Variants in COL5A1 observed in about 807,000 individuals in gnomAD.
COL5A1 encodes the protein collagen type V alpha 1 chain.
Under a neutral mutation model 263.7 loss-of-function variants are expected in COL5A1, and 16 were observed. The ratio of observed to expected loss-of-function variants is 0.06; its 90% CI spans 0.04 to 0.09. The LOEUF (loss-of-function observed/expected upper bound fraction) is 0.09. COL5A1 is among the 10% of genes least tolerant of loss of function. The pLI, the probability that COL5A1 is intolerant of heterozygous loss-of-function variation, is 1.00. For missense variants in COL5A1, 2,036 were observed against 2,540.5 expected (o/e 0.80, Z 4.27); for synonymous variants, 1,012 against 1,004.5 (o/e 1.01, Z -0.14).
intron 18 of COL5A1, among the ~76,000 whole-genome samples, chr9:134,759,295 C>A (rs1836126328): frequency 8.0e-6 from 1 of 125,042 alleles, no homozygotes; most frequent in East Asian, 2.5e-4. Context: ...CACACGCATA[C>A]ACACCCACAC....
chr9:134,675,866 A>T (rs776789894), intron 1 of COL5A1, among the ~76,000 whole-genome samples: 1 of 152,208 alleles, frequency 6.6e-6, no homozygotes, highest in Non-Finnish European at 1.5e-5. Context: ...AGAGTCTCCC[A>T]GTTTCTTAAA....
chr9:134,758,076 G>C lies in COL5A1; in HGVS notation c.1882-167G>C, dbSNP rs1485109532. Among the ~76,000 whole-genome samples, 1 of 152,216 alleles carries C rather than the reference G, an allele frequency of 6.6e-6. No individual in the cohort carries two copies. The highest frequency in any genetic ancestry group is 1.5e-5 in the Non-Finnish European group (1 of 68,044). On this transcript the variant is annotated intron_variant, in intron 17 of 65. Transcript: ENST00000371817. This position sits in a 1 kb window ranked among gnomAD's most constrained non-coding sequence, Gnocchi z 4.1. The stretch of plus-strand genomic sequence containing the variant: ...AGGGGAAGAGGCTGAGATTGTAGAT[G>C]CAAAGTGGGGGCCTATGGGGAGAGG...
In COL5A1 at chr9:134,700,590, G is replaced by A. The variant is rs968822705; in HGVS notation, c.491+468G>A. Among the ~76,000 whole-genome samples the A allele has an allele frequency of 3.9e-5, 6 of 152,212 alleles. No individual in the cohort carries two copies. Among genetic ancestry groups the A allele is most frequent in the Non-Finnish European group, 7.3e-5 (5 of 68,036 alleles). On this transcript the variant is annotated intron_variant, in intron 3 of 65. Transcript: ENST00000371817. This position sits in a 1 kb window ranked among gnomAD's most constrained non-coding sequence, Gnocchi z 4.0. ...TTGTCAGTCTCCTCTTTCGTGGTCA[G>A]CACGTGTGAGGTCATGCCCTGATAA... is the stretch of plus-strand genomic sequence containing the variant.
At chr9:134,732,232 CG>C (rs1834914123) in intron 9 of COL5A1, 105 bp downstream of exon 9, 1 of 1,193,978 alleles carries the variant, frequency 8.4e-7, no homozygotes, top group Non-Finnish European at 1.2e-6. Context: ...TGCACCTGCG[CG>C]CACTGGGTCA....
At position 134,813,874 on chromosome 9, in the gene COL5A1, G is replaced by T. The variant is rs1369616871; in HGVS notation, c.3853-109G>T. 6.5e-6 allele frequency: 8 copies of T among 1,222,016 alleles called. No individual in the cohort carries two copies. The Admixed American group carries it at 1.6e-4, about 24-fold the overall frequency. The allele number at this position is 1,222,016 out of a possible 1,614,324, so 75.7% of individuals were successfully genotyped here. ...CCCCAGAAACCCCTGGGTCCTGGGT[G>T]CCCAGGGGCAGGCAGACAGCAGGCA... On this transcript the variant is annotated intron_variant, in intron 48 of 65. Coordinates refer to ENST00000371817, the MANE Select transcript of COL5A1 (RefSeq NM_000093.5).
rs184118479 is a variant in COL5A1 at position 134,711,316 on chromosome 9, T to A, written c.654+9983T>A. ...TGACACCCCACTTGCAGGGCCTGGG[T>A]GCTGTCGTATAGACCGTGCGCCTGG... On this transcript the variant is annotated intron_variant, in intron 4 of 65. Transcript: ENST00000371817. Among the ~76,000 whole-genome samples, 4 of 152,116 alleles carry A rather than the reference T, an allele frequency of 2.6e-5. No homozygotes were observed. The East Asian group carries it at 7.7e-4, about 29-fold the overall frequency.
intron 18 of COL5A1, among the ~76,000 whole-genome samples, chr9:134,759,038 G>A (rs1261017450): frequency 6.6e-6 from 1 of 152,070 alleles, no homozygotes; most frequent in African/African-American, 2.4e-5. Context: ...CGTCCTGGCC[G>A]CCTGCCCTGC....
Position 134,758,134 on chromosome 9 carries a change from T to C in COL5A1, c.1882-109T>C. On this transcript the variant is annotated intron_variant, in intron 17 of 65. Coordinates refer to ENST00000371817, the MANE Select transcript of COL5A1 (RefSeq NM_000093.5). This position sits in a 1 kb window ranked among gnomAD's most constrained non-coding sequence, Gnocchi z 4.1. ...GATGGGGTTCAGGGTGCATAGATGC[T>C]GTGTGAAACGTGGTCCAAGGCGGGG... The C allele has an allele frequency of 9.3e-7, 1 of 1,077,800 alleles. No homozygotes were observed. The highest frequency in any genetic ancestry group is 1.4e-6 in the Non-Finnish European group (1 of 696,362). 66.8% of individuals were successfully genotyped at this position (1,077,800 alleles called of 1,614,324 possible).
At chr9:134,726,577 T>C (rs1012716819) in intron 4 of COL5A1, among the ~76,000 whole-genome samples, 2 of 150,858 alleles carry the variant, frequency 1.3e-5, no homozygotes, top group Admixed American at 1.3e-4. Flanking sequence ...GACAGACGGA[T>C]GGAGGAGTGG....
At chr9:134,749,337 A>G (rs887559167) in intron 11 of COL5A1, among the ~76,000 whole-genome samples, 2 of 152,250 alleles carry the variant, frequency 1.3e-5, no homozygotes, top group Non-Finnish European at 2.9e-5. Flanking sequence ...TTGCCTTTGC[A>G]CTTACAGAAC....
chr9:134,827,125 C>T (rs796187943), intron 63 of COL5A1, among the ~76,000 whole-genome samples: 1 of 152,206 alleles, frequency 6.6e-6, no homozygotes, highest in East Asian at 1.9e-4. Flanking sequence ...GTTTGCTGTG[C>T]AGGTCCAGAC....
intron 1 of COL5A1, among the ~76,000 whole-genome samples, chr9:134,679,417 G>A (rs1190849383): frequency 3.4e-5 from 4 of 119,132 alleles, no homozygotes; most frequent in African/African-American, 6.9e-5. Context: ...GGGGCACTGT[G>A]GGGCTGGTTG....
rs190630304 is a variant in COL5A1, at chr9:134,805,367, C to T, written c.3258+153C>T. On this transcript the variant is annotated intron_variant, in intron 41 of 65. Transcript: ENST00000371817. ...GGGGAAAATGGCCTTCAGGGAGATGCGGACGGCGCATCCCAAGCTGGCAGC... is the reference window on the plus strand; with the variant it reads ...GGGGAAAATGGCCTTCAGGGAGATGTGGACGGCGCATCCCAAGCTGGCAGC... Among the ~76,000 whole-genome samples the T allele has an allele frequency of 3.8e-3, 572 of 152,230 alleles. 6 individuals are homozygous for T. Among genetic ancestry groups the T allele is most frequent in the African/African-American group, 0.013 (539 of 41,548 alleles).
At chr9:134,808,213 T>C (rs965024390) in intron 42 of COL5A1, among the ~76,000 whole-genome samples, 4 of 152,178 alleles carry the variant, frequency 2.6e-5, no homozygotes, top group African/African-American at 9.7e-5. Flanking sequence ...ACATTGAATG[T>C]ACATTCTCTA....
Position 134,742,146 on chromosome 9 carries a change from C to A in COL5A1, c.1494+3338C>A, listed in dbSNP as rs984058505. Among the ~76,000 whole-genome samples the A allele has an allele frequency of 1.3e-5, 2 of 152,210 alleles. No homozygotes were observed. Among genetic ancestry groups the A allele is most frequent in the Non-Finnish European group, 2.9e-5 (2 of 68,034 alleles). Reference sequence around the variant, plus strand: ...TGCTTCCTTCACACACTCTGGTGAGCCCTGCACACTCTCCCGCTGCTCCCC... The same window carrying A: ...TGCTTCCTTCACACACTCTGGTGAGACCTGCACACTCTCCCGCTGCTCCCC... On this transcript the variant is annotated intron_variant, in intron 11 of 65. Coordinates refer to ENST00000371817, the MANE Select transcript of COL5A1 (RefSeq NM_000093.5). The surrounding 1 kb of genome is among the most constrained non-coding windows in gnomAD (Gnocchi z 4.6).
In COL5A1 at chr9:134,795,247, C is replaced by T. The variant is rs2132802979; in HGVS notation, c.2746-15C>T. On this transcript the variant is annotated splice_polypyrimidine_tract_variant and intron_variant, in intron 33 of 65. Transcript: ENST00000371817. ...CGGGACTTGAGCTGACCTTCCTTCT[C>T]TCCCATCTGTCCAGGGTCCGAGGGG... The T allele has an allele frequency of 6.2e-7, 1 of 1,613,964 alleles. No homozygotes were observed. Among genetic ancestry groups the T allele is most frequent in the Non-Finnish European group, 8.5e-7 (1 of 1,179,952 alleles).
chr9:134,752,427 G>T (rs926801461), intron 13 of COL5A1, among the ~76,000 whole-genome samples, 162 bp from the exon 14 acceptor site: 8 of 152,046 alleles, frequency 5.3e-5, no homozygotes, highest in Non-Finnish European at 8.8e-5. Context: ...GTCGGGGGGG[G>T]GGGGCCCTTG....
rs973980686 is a variant in COL5A1, at chr9:134,755,107, A to G, written c.1827+781A>G. On this transcript the variant is annotated intron_variant, in intron 16 of 65. Coordinates refer to ENST00000371817, the MANE Select transcript of COL5A1 (RefSeq NM_000093.5). The surrounding 1 kb of genome is among the most constrained non-coding windows in gnomAD (Gnocchi z 4.1). ...AAGCTGTGGTTAGTGGGTAGAAATG[A>G]CCCGATAAGCCGCAGTTTGGCAGGT... Among the ~76,000 whole-genome samples the G allele has an allele frequency of 6.6e-6, 1 of 152,016 alleles. No individual in the cohort carries two copies. The highest frequency in any genetic ancestry group is 6.6e-5 in the Admixed American group (1 of 15,264).
At chr9:134,782,787 T>TG in intron 29 of COL5A1, 67 bp downstream of exon 29, 2 of 917,528 alleles carry the variant, frequency 2.2e-6, no homozygotes, top group Admixed American at 1.9e-5. Flanking sequence ...TGGGAGGGGG[T>TG]GGGGATGTTT....
Sources: gnomAD v4.1 joint callset for allele counts (sites outside exome capture counted in the v4.1 genomes callset) on GRCh38, gnomAD v4.1.1 for gene constraint, Gnocchi (gnomAD v3.1) non-coding constraint, MANE v1.5 for transcripts, NCBI Gene and HGNC (gene_info 2026-07-23, HGNC 2026-07-21) for gene names.